The following THSD7B variants were observed in gnomAD, a reference collection of about 807,000 sequenced individuals.
THSD7B encodes the protein thrombospondin type-1 domain-containing protein 7B.
Under a neutral mutation model 213.6 loss-of-function variants are expected in THSD7B, and 138 were observed. The ratio of observed to expected loss-of-function variants is 0.65; its 90% confidence interval spans 0.56 to 0.74. The LOEUF (loss-of-function observed/expected upper bound fraction) is 0.74, where lower values mean the gene tolerates loss of function less well. THSD7B is among the 30% of genes least tolerant of loss of function. The probability of loss-of-function intolerance (pLI) is 0.00; values close to 1 mark genes in which losing one functional copy is unlikely to be tolerated. For missense variants in THSD7B, 1,931 were observed against 1,991.5 expected, an observed-to-expected ratio of 0.97 and a Z score of 0.58; for synonymous variants, 742 against 687.0, an observed-to-expected ratio of 1.08 and a Z score of -1.25.
chr2:137,072,335 T>C (rs1687510716), intron 3 of THSD7B, among the ~76,000 whole-genome samples: 1 of 152,162 alleles, frequency 6.6e-6, no homozygotes, highest in South Asian at 2.1e-4. Flanking sequence ...CCCTTGTAAG[T>C]TGGATTCCTA....
intron 4 of THSD7B, among the ~76,000 whole-genome samples, chr2:137,095,868 T>C (rs911360915): frequency 6.6e-6 from 1 of 152,012 alleles, no homozygotes; most frequent in Admixed American, 6.6e-5. Context: ...CTACTATATA[T>C]ATTTTTTATT....
At chr2:137,546,424 TTATA>T (rs1190179445) in intron 15 of THSD7B, among the ~76,000 whole-genome samples, 1 of 27,934 alleles carries the variant, frequency 3.6e-5, no homozygotes, top group Non-Finnish European at 5.5e-5. Context: ...ATTATATATA[TTATA>T]TATATATTAT....
At chr2:137,404,107 T>C (rs1177104490) in intron 12 of THSD7B, among the ~76,000 whole-genome samples, 1 of 152,006 alleles carries the variant, frequency 6.6e-6, no homozygotes, top group Non-Finnish European at 1.5e-5. Context: ...TCCAGAGAAT[T>C]CAGTAAAAAT....
chr2:136,853,714 A>G (rs1397296161), intron 1 of THSD7B, among the ~76,000 whole-genome samples: 1 of 152,152 alleles, frequency 6.6e-6, no homozygotes, highest in Non-Finnish European at 1.5e-5. Flanking sequence ...AACTACCACT[A>G]TTGTAATTGC....
chr2:136,907,055 C>T lies in THSD7B; in HGVS notation c.139+24738C>T, dbSNP rs1056067018. ...CACCTCCTGGGTTCAAGCAATTCTC[C>T]TACCTCAGTCTCCCAAGCAGCTGGG... On this transcript the variant is annotated intron_variant, in intron 2 of 27. Coordinates refer to ENST00000409968, the MANE Select transcript of THSD7B (RefSeq NM_001316349.2). Among the ~76,000 whole-genome samples the T allele has an allele frequency of 4.2e-5, 6 of 143,718 alleles. No individual in the cohort carries two copies. In the Admixed American group the frequency reaches 4.4e-4, roughly 11 times the overall value. The allele number at this position is 143,718 out of a possible 152,430, so 94.3% of individuals were successfully genotyped here.
chr2:137,318,069 T>C (rs1684169015), intron 12 of THSD7B, among the ~76,000 whole-genome samples: 1 of 152,218 alleles, frequency 6.6e-6, no homozygotes, highest in South Asian at 2.1e-4. Context: ...CAAGATTTTT[T>C]GCATTATATT....
chr2:137,036,858 T>C (rs570771289), intron 2 of THSD7B, among the ~76,000 whole-genome samples: 42 of 152,328 alleles, frequency 2.8e-4, no homozygotes, highest in African/African-American at 1.0e-3. Context: ...TGTCCACTTA[T>C]GTCTCATTTT....
At chr2:137,054,599 A>T (rs1687126052) in intron 2 of THSD7B, among the ~76,000 whole-genome samples, 2 of 152,166 alleles carry the variant, frequency 1.3e-5, no homozygotes, top group African/African-American at 2.4e-5. Context: ...GTGGATGCTA[A>T]TGAAAATATT....
intron 12 of THSD7B, among the ~76,000 whole-genome samples, chr2:137,395,034 G>C (rs1450754096): frequency 7.0e-6 from 1 of 142,604 alleles, no homozygotes; most frequent in Non-Finnish European, 1.6e-5. Flanking sequence ...CTTTGCTGAA[G>C]TTGCTTATCA....
intron 17 of THSD7B, among the ~76,000 whole-genome samples, chr2:137,597,895 C>T (rs1353643648): frequency 6.6e-6 from 1 of 151,638 alleles, no homozygotes; most frequent in Non-Finnish European, 1.5e-5. Flanking sequence ...GAGATATAGC[C>T]CTCAGTTTTC....
chr2:137,124,437 C>T (rs1688598191), intron 5 of THSD7B, among the ~76,000 whole-genome samples: 1 of 152,104 alleles, frequency 6.6e-6, no homozygotes, highest in Non-Finnish European at 1.5e-5. Context: ...TTTTTTCATG[C>T]TCTAGTTTAA....
chr2:137,391,339 A>C (rs1686021630), intron 12 of THSD7B, among the ~76,000 whole-genome samples: 1 of 150,422 alleles, frequency 6.6e-6, no homozygotes, highest in African/African-American at 2.5e-5. Flanking sequence ...GTTTATTTGG[A>C]TCTTCTTTCT....
chr2:137,070,144 T>G (rs148279294), intron 3 of THSD7B, among the ~76,000 whole-genome samples: 2,285 of 152,102 alleles, frequency 0.015, 23 homozygotes, highest in South Asian at 0.035. Context: ...TTTTCCATTT[T>G]GTACTTTGTG....
At chr2:137,512,894 T>A (rs758444403) in intron 15 of THSD7B, among the ~76,000 whole-genome samples, 7 of 152,164 alleles carry the variant, frequency 4.6e-5, no homozygotes, top group Non-Finnish European at 1.0e-4. Flanking sequence ...ACAAGATGAA[T>A]GACTTGCCCA....
chr2:136,994,401 C>T (rs188633108), intron 2 of THSD7B, among the ~76,000 whole-genome samples: 60 of 151,740 alleles, frequency 4.0e-4, no homozygotes, highest in African/African-American at 1.3e-3. Context: ...CCCGTCTCTA[C>T]TAAAAATAAA....
intron 14 of THSD7B, among the ~76,000 whole-genome samples, chr2:137,450,142 A>G (rs930198304): frequency 2.0e-5 from 3 of 152,206 alleles, no homozygotes; most frequent in Non-Finnish European, 4.4e-5. Flanking sequence ...GATCTACATT[A>G]GAAGTATATA....
intron 27 of THSD7B, among the ~76,000 whole-genome samples, chr2:137,674,278 AC>A (rs906331100): frequency 1.2e-5 from 1 of 86,144 alleles, no homozygotes; most frequent in African/African-American, 3.3e-5. Context: ...TACATTTCTT[AC>A]CCCTCTCTTC....
chr2:137,546,566 C>T (rs1477351392), intron 15 of THSD7B, among the ~76,000 whole-genome samples: 1 of 130,618 alleles, frequency 7.7e-6, no homozygotes, highest in East Asian at 2.2e-4. Context: ...TTCTTTCTCT[C>T]TTTCTTTCTT....
intron 1 of THSD7B, among the ~76,000 whole-genome samples, chr2:136,769,531 T>A (rs1681468339): frequency 6.6e-6 from 1 of 152,042 alleles, no homozygotes; most frequent in African/African-American, 2.4e-5. Context: ...GTAACAGGAG[T>A]TGAATCTAAG....
Sources: gnomAD v4.1 joint callset for allele counts (sites outside exome capture counted in the v4.1 genomes callset) on GRCh38, gnomAD v4.1.1 for gene constraint, MANE v1.5 for transcripts, NCBI Gene and HGNC (gene_info 2026-07-23, HGNC 2026-07-21) for gene names.